C16orf87: variants seen among roughly 807,000 people sequenced by gnomAD.
The protein encoded by C16orf87 is UPF0547 protein C16orf87.
In C16orf87, 13 loss-of-function variants were observed where a neutral mutation model predicts 21.0. The ratio of observed to expected loss-of-function variants is 0.62; its 90% CI spans 0.40 to 0.98. The LOEUF is 0.98. C16orf87 is among the 50% of genes least tolerant of loss of function. The probability of loss-of-function intolerance (pLI) is 0.00; values close to 1 mark genes in which losing one functional copy is unlikely to be tolerated. For missense variants in C16orf87, 113 were observed against 180.4 expected (o/e 0.63, Z 2.14); for synonymous variants, 49 against 60.2 (o/e 0.81, Z 0.86).
intron 2 of C16orf87, among the ~76,000 whole-genome samples, chr16:46,817,491 C>A (rs2143120678): frequency 6.6e-6 from 1 of 152,118 alleles, no homozygotes; most frequent in East Asian, 1.9e-4. Flanking sequence ...AGTTCAAGAC[C>A]AGCCTTACCA....
At chr16:46,819,262 T>A (rs904474157) in intron 2 of C16orf87, among the ~76,000 whole-genome samples, 1 of 152,132 alleles carries the variant, frequency 6.6e-6, no homozygotes, top group Non-Finnish European at 1.5e-5. Flanking sequence ...GTTATTTTTC[T>A]TTTTTACAGA....
intron 2 of C16orf87, among the ~76,000 whole-genome samples, chr16:46,820,321 T>C (rs1229539732): frequency 2.6e-5 from 4 of 152,232 alleles, no homozygotes; most frequent in Non-Finnish European, 5.9e-5. Context: ...AAAAGATGTT[T>C]ACTTATGCAA....
chr16:46,809,025 A>G (rs1332519877), intron 3 of C16orf87, among the ~76,000 whole-genome samples: 1 of 151,198 alleles, frequency 6.6e-6, no homozygotes, highest in Non-Finnish European at 1.5e-5. Context: ...AAGACAAAAA[A>G]AAAAAAAAAA....
Position 46,802,704 on chromosome 16 carries a change from C to A in C16orf87, c.*248G>T, listed in dbSNP as rs1359635103. Reference sequence around the variant, plus strand: ...TTTGTTGGTTTTTTTTTGTTGTTGGCAAATACACTTACTTATATCCCAAAC... The same window carrying A: ...TTTGTTGGTTTTTTTTTGTTGTTGGAAAATACACTTACTTATATCCCAAAC... On this transcript the variant is annotated 3_prime_UTR_variant, in exon 4 of 4. Coordinates refer to ENST00000285697, the MANE Select transcript of C16orf87 (RefSeq NM_001001436.4). 5 of 291,516 alleles carry A rather than the reference C, an allele frequency of 1.7e-5. No individual in the cohort carries two copies. Among genetic ancestry groups the A allele is most frequent in the Non-Finnish European group, 3.1e-5 (5 of 159,084 alleles). The allele number at this position is 291,516 out of a possible 1,614,324, so 18.1% of individuals were successfully genotyped here. A position where few individuals can be genotyped will look rare whatever the true frequency, so the allele number is the denominator to read the frequency against.
chr16:46,807,627 G>C (rs746303889), intron 3 of C16orf87, among the ~76,000 whole-genome samples: 4 of 152,092 alleles, frequency 2.6e-5, no homozygotes, highest in Admixed American at 2.6e-4. Flanking sequence ...ACAAAGCCTA[G>C]AACATTTACT....
At chr16:46,819,831 G>A (rs934319162) in intron 2 of C16orf87, among the ~76,000 whole-genome samples, 8 of 151,564 alleles carry the variant, frequency 5.3e-5, no homozygotes, top group African/African-American at 1.2e-4. Context: ...AAAATTAGCC[G>A]GGTGTGGTGA....
At chr16:46,825,902 A>C (rs1240528249) in intron 1 of C16orf87, among the ~76,000 whole-genome samples, 2 of 150,822 alleles carry the variant, frequency 1.3e-5, no homozygotes, top group African/African-American at 4.9e-5. Flanking sequence ...CAACATGAGC[A>C]AGACTCTGTC....
At position 46,806,786 on chromosome 16, in the gene C16orf87, C is replaced by T. The variant is rs561937759; in HGVS notation, c.346+2817G>A. ...TCCTTTTCCATTCTTCCTTCTTATT[C>T]TGTTTCAAAATAGAAAAGTCATTTT... On this transcript the variant is annotated intron_variant, in intron 3 of 3. Transcript: ENST00000285697. Among the ~76,000 whole-genome samples, 5 of 152,192 alleles carry T rather than the reference C, an allele frequency of 3.3e-5. No individual in the cohort carries two copies. In the East Asian group the frequency reaches 9.6e-4, roughly 29 times the overall value.
intron 2 of C16orf87, among the ~76,000 whole-genome samples, chr16:46,813,245 T>A: frequency 6.6e-6 from 1 of 152,138 alleles, no homozygotes; most frequent in East Asian, 1.9e-4. Flanking sequence ...CTCTTGGTTC[T>A]CCCTCTCCCA....
chr16:46,822,138 C>A (rs1324733346), intron 2 of C16orf87, among the ~76,000 whole-genome samples: 1 of 152,182 alleles, frequency 6.6e-6, no homozygotes, highest in Non-Finnish European at 1.5e-5. Context: ...GCAGCCTCAA[C>A]TTCCCAGGCT....
At chr16:46,806,113 T>A (rs780300725) in intron 3 of C16orf87, among the ~76,000 whole-genome samples, 1 of 152,198 alleles carries the variant, frequency 6.6e-6, no homozygotes, top group Non-Finnish European at 1.5e-5. Context: ...TCACTTCTAC[T>A]TCCAGACATA....
chr16:46,813,518 T>C (rs1184136286), intron 2 of C16orf87, among the ~76,000 whole-genome samples: 1 of 151,890 alleles, frequency 6.6e-6, no homozygotes, highest in East Asian at 1.9e-4. Context: ...TAGCTTCCCT[T>C]CTAAAGCCTT....
chr16:46,814,806 C>T (rs1469888986), intron 2 of C16orf87, among the ~76,000 whole-genome samples: 2 of 152,138 alleles, frequency 1.3e-5, no homozygotes, highest in South Asian at 4.1e-4. Context: ...CATTCTAATG[C>T]ATACCTTGAG....
chr16:46,814,157 G>A (rs1596814937), intron 2 of C16orf87, among the ~76,000 whole-genome samples: 1 of 152,310 alleles, frequency 6.6e-6, no homozygotes, highest in East Asian at 1.9e-4. Context: ...CAACCTGATG[G>A]TTCTGATAAG....
chr16:46,812,292 T>G (rs1968112527), intron 2 of C16orf87, among the ~76,000 whole-genome samples: 1 of 152,136 alleles, frequency 6.6e-6, no homozygotes, highest in South Asian at 2.1e-4. Context: ...CATATGCAAT[T>G]TGTGGACCTT....
chr16:46,809,460 A>C, intron 3 of C16orf87, 143 bp downstream of exon 3: 1 of 610,724 alleles, frequency 1.6e-6, no homozygotes, highest in Non-Finnish European at 2.9e-6. Context: ...AGCATCTACC[A>C]CAGAGGAAAT....
intron 2 of C16orf87, 75 bp from the exon 3 acceptor site, chr16:46,809,860 T>A: frequency 1.1e-6 from 1 of 924,378 alleles, no homozygotes; most frequent in Non-Finnish European, 1.7e-6. Flanking sequence ...TTGTCTTCCT[T>A]TTTCTTTCTA....
chr16:46,817,933 A>AC (rs1959257085), intron 2 of C16orf87, among the ~76,000 whole-genome samples: 1 of 150,818 alleles, frequency 6.6e-6, no homozygotes, highest in African/African-American at 2.4e-5. Flanking sequence ...AAAAAAAAAA[A>AC]AAAAAACCAC....
At chr16:46,831,013 AG>A in intron 1 of C16orf87, 70 bp downstream of exon 1, 1 of 1,257,790 alleles carries the variant, frequency 8.0e-7, no homozygotes, top group Non-Finnish European at 1.1e-6. Flanking sequence ...GAGCCCGGCG[AG>A]GCCCCCCTCC....
Sources: gnomAD v4.1 joint callset for allele counts (sites outside exome capture counted in the v4.1 genomes callset) on GRCh38, gnomAD v4.1.1 for gene constraint, MANE v1.5 for transcripts, NCBI Gene and HGNC (gene_info 2026-07-23, HGNC 2026-07-21) for gene names.